Variants in TSPOAP1 observed in about 807,000 individuals in gnomAD.
TSPOAP1 encodes the protein peripheral-type benzodiazepine receptor-associated protein 1.
In TSPOAP1, 87 loss-of-function variants were observed where a neutral mutation model predicts 197.0. The observed-to-expected ratio is 0.44, with a 90% CI of 0.37 to 0.53. The LOEUF (loss-of-function observed/expected upper bound fraction) is 0.53, where lower values mean the gene tolerates loss of function less well. TSPOAP1 is among the 20% of genes least tolerant of loss of function. TSPOAP1 has a pLI of 0.00. For synonymous variants in TSPOAP1, 913 were observed against 998.9 expected, an observed-to-expected ratio of 0.91 and a Z score of 1.62; for missense variants, 2,174 against 2,411.3, an observed-to-expected ratio of 0.90 and a Z score of 2.06.
Position 58,322,405 on chromosome 17 carries a change from C to T in TSPOAP1, c.1325G>A (p.Arg442Gln), listed in dbSNP as rs756869149. 2.1e-5 allele frequency: 33 copies of T among 1,606,182 alleles called. 1 individual carries two copies. The South Asian group carries it at 2.3e-4, about 11-fold the overall frequency. ...CTGCTGCCGCCGCTGGGCCACCTCCCGCATGTGCTGAAACACAAGATCTGA... is the reference window on the plus strand; with the variant it reads ...CTGCTGCCGCCGCTGGGCCACCTCCTGCATGTGCTGAAACACAAGATCTGA... ...ESLEQVLKHM[R>Q]EVAQRRQQLE... The change falls in exon 10 of 32, where the codon CGG becomes CAG. Residue 442 changes from arginine (R) to glutamine (Q), a missense_variant. By Grantham distance (43) the Arg-to-Gln change is conservative. Transcript: ENST00000343736. This position sits in a 1 kb window ranked among gnomAD's most constrained non-coding sequence, Gnocchi z 5.0.
intron 29 of TSPOAP1, 52 bp from the exon 30 acceptor site, chr17:58,305,223 G>T (rs768660831): frequency 2.6e-6 from 4 of 1,513,734 alleles, no homozygotes; most frequent in Non-Finnish European, 3.7e-6. Flanking sequence ...CTCTGGCCCT[G>T]CCCCTCGACT....
intron 24 of TSPOAP1, 92 bp downstream of exon 24, chr17:58,307,519 T>A: frequency 6.8e-7 from 1 of 1,478,868 alleles, no homozygotes; most frequent in Admixed American, 2.0e-5. Flanking sequence ...TTCTCCACCA[T>A]GATTCTGTGC....
Position 58,304,654 on chromosome 17 carries a change from G to A in TSPOAP1, c.5545-255C>T. 1.7e-6 allele frequency: 1 copy of A among 578,278 alleles called. No homozygotes were observed. Among genetic ancestry groups the A allele is most frequent in the Admixed American group, 3.0e-5 (1 of 32,934 alleles). 35.8% of individuals were successfully genotyped at this position (578,278 alleles called of 1,614,324 possible). A position where few individuals can be genotyped will look rare whatever the true frequency, so the allele number is the denominator to read the frequency against. The stretch of plus-strand genomic sequence containing the variant: ...CAAGGAACGAGAACCCAGGAAGCTG[G>A]GCCTGGCTGGGCAACTGGCTTCCAA... On this transcript the variant is annotated intron_variant, in intron 30 of 31. Transcript: ENST00000343736. The surrounding 1 kb of genome is among the most constrained non-coding windows in gnomAD (Gnocchi z 4.2).
rs752140887 is a variant in TSPOAP1 at position 58,318,197 on chromosome 17, G to T, written c.1872+83C>A. On this transcript the variant is annotated intron_variant, in intron 14 of 31. Transcript: ENST00000343736. Reference sequence around the variant, plus strand: ...CAGAAGTTGCCACCCAACTCCTGGGGACCCCAGAAGAGGTCAGGGCCACCT... The same window carrying T: ...CAGAAGTTGCCACCCAACTCCTGGGTACCCCAGAAGAGGTCAGGGCCACCT... 5 of 1,480,774 alleles carry T rather than the reference G, an allele frequency of 3.4e-6. No individual in the cohort carries two copies. In the African/African-American group the frequency reaches 5.6e-5, roughly 17 times the overall value. The allele number at this position is 1,480,774 out of a possible 1,614,324, so 91.7% of individuals were successfully genotyped here.
Position 58,326,772 on chromosome 17 carries a change from A to C in TSPOAP1, c.352T>G (p.Phe118Val), listed in dbSNP as rs61732577. The change falls in exon 2 of 32, where the codon TTT becomes GTT. Residue 118 changes from phenylalanine (F) to valine (V), a missense_variant. Phe to Val is a conservative substitution (Grantham distance 50, BLOSUM62 -1). Coordinates refer to ENST00000343736, the MANE Select transcript of TSPOAP1 (RefSeq NM_004758.4). The surrounding 1 kb of genome is among the most constrained non-coding windows in gnomAD (Gnocchi z 4.7). ...AGCTCCAGATTGGGCCTGTCCCCAA[A>C]GCTCATATTCAGCTTGGCCTGGCAT... ...AFLKAKLNMS[F>V]GDRPNLELLR... is the part of the protein sequence containing the mutation. The C allele has an allele frequency of 3.0e-3, 4,849 of 1,614,014 alleles. 111 individuals are homozygous for C. In the African/African-American group the frequency reaches 0.054, roughly 18 times the overall value.
Position 58,316,127 on chromosome 17 carries a change from T to C in TSPOAP1, c.1994A>G (p.Asn665Ser). 1 of 1,613,236 alleles carries C rather than the reference T, an allele frequency of 6.2e-7. No individual in the cohort carries two copies. ...IQVFLARYSY[N>S]PFEGPNENPE... ...ATTCTCATTGGGACCCTCAAAGGGG[T>C]TGTAGCTGTTAGGGGAGGCACAGAG... Residue 665 changes from asparagine (N) to serine (S), a missense_variant, in exon 16 of 32, where the codon AAC becomes AGC. Physicochemically the swap from Asn to Ser is conservative, Grantham distance 46. Around this residue, in one of 5 missense-constraint regions of TSPOAP1, gnomAD observed 1,933 missense variants for 2,139.0 expected, o/e 0.90. Transcript: ENST00000343736.
At chr17:58,323,606 C>G in intron 5 of TSPOAP1, 61 bp from the exon 6 acceptor site, 1 of 1,559,376 alleles carries the variant, frequency 6.4e-7, no homozygotes, top group Non-Finnish European at 8.7e-7. Context: ...GCAGCCTGCC[C>G]CAGCCCAGCC....
chr17:58,316,301 A>G, intron 15 of TSPOAP1, 124 bp downstream of exon 15: 1 of 1,095,762 alleles, frequency 9.1e-7, no homozygotes, highest in Non-Finnish European at 1.4e-6. Context: ...CTAGGTTATT[A>G]GAATAGGTCC....
At chr17:58,327,256 C>A (rs1337270795) in intron 1 of TSPOAP1, among the ~76,000 whole-genome samples, 2 of 152,136 alleles carry the variant, frequency 1.3e-5, no homozygotes, top group Non-Finnish European at 2.9e-5. Context: ...TATCCCCCAG[C>A]CCCTAAGGAC....
At chr17:58,314,542 A>G (rs1452346904) in intron 16 of TSPOAP1, among the ~76,000 whole-genome samples, 1 of 152,252 alleles carries the variant, frequency 6.6e-6, no homozygotes, top group African/African-American at 2.4e-5. Flanking sequence ...CCAAGGAACA[A>G]CTGGAGCCAC....
In TSPOAP1 at chr17:58,312,349, A is replaced by T. The variant is rs372001785; in HGVS notation, c.2472T>A (p.His824Gln). ...GTCGCAGCTCCCCATTCACACAGAT[A>T]TGGAAGCCGTGTAGCTCCACTTGCT... is the stretch of plus-strand genomic sequence containing the variant. ...PPEQVELHGF[H>Q]ICVNGELRQA... The change falls in exon 17 of 32, where the codon CAT (histidine) becomes CAA (glutamine). Residue 824 changes from histidine (H) to glutamine (Q), a missense_variant. By Grantham distance (24) the His-to-Gln change is conservative. This residue lies in a region of TSPOAP1 where 1,933 missense variants were observed against 2,139.0 expected (regional missense o/e 0.90). Transcript: ENST00000343736. The T allele has an allele frequency of 5.0e-6, 8 of 1,612,282 alleles. No homozygotes were observed. Among genetic ancestry groups the T allele is most frequent in the Non-Finnish European group, 6.8e-6 (8 of 1,179,530 alleles).
intron 29 of TSPOAP1, 52 bp from the exon 30 acceptor site, chr17:58,305,223 G>A (rs768660831): frequency 6.6e-7 from 1 of 1,513,614 alleles, no homozygotes; most frequent in African/African-American, 1.4e-5. Flanking sequence ...CTCTGGCCCT[G>A]CCCCTCGACT....
At chr17:58,323,277 G>C (rs757334770) in intron 7 of TSPOAP1, 21 bp downstream of exon 7, 2 of 1,613,502 alleles carry the variant, frequency 1.2e-6, no homozygotes, top group East Asian at 2.2e-5. Flanking sequence ...GCTGGCCTCT[G>C]GGTTGCCCTC....
At position 58,325,691 on chromosome 17, in the gene TSPOAP1, G is replaced by A. The variant is rs372254499; in HGVS notation, c.593C>T (p.Pro198Leu). Residue 198 changes from proline to leucine, a missense_variant, in exon 4 of 32, where the codon CCG becomes CTG. Physicochemically the swap from Pro to Leu is moderately conservative, Grantham distance 98. Coordinates refer to ENST00000343736, the MANE Select transcript of TSPOAP1 (RefSeq NM_004758.4). ...CCGACACAACTCCAAGCTGGTCCCC[G>A]GCCGGGGCAAGGGGGCACTCACCTA... ...LRVVSAPLPRPGTSLELCRKA... is the reference protein window; with the variant it reads ...LRVVSAPLPRLGTSLELCRKA... 56 of 1,611,106 alleles carry A rather than the reference G, an allele frequency of 3.5e-5. 1 individual carries two copies. Among genetic ancestry groups the A allele is most frequent in the African/African-American group, 1.5e-4 (11 of 74,900 alleles).
rs2526381 is a variant in TSPOAP1 at position 58,316,272 on chromosome 17, T to C, written c.1989-140A>G. 144,795 of 1,049,504 alleles carry C rather than the reference T, an allele frequency of 0.14. 11,648 individuals carry two copies. The highest frequency in any genetic ancestry group is 0.16 in the Non-Finnish European group (113,642 of 692,184). The allele number at this position is 1,049,504 out of a possible 1,614,324, so 65.0% of individuals were successfully genotyped here. On this transcript the variant is annotated intron_variant, in intron 15 of 31. Transcript: ENST00000343736. ...ACCACCAGCAAAGCTGAGCCCTCAC[T>C]GCACCCACCTTGGCCCAACTAGGTT...
chr17:58,303,956 G>A (rs538324985), intron 31 of TSPOAP1: 19 of 165,042 alleles, frequency 1.2e-4, no homozygotes, highest in Non-Finnish European at 2.1e-4. Context: ...CCTGGCACCA[G>A]TAATAATTAT....
At position 58,312,732 on chromosome 17, in the gene TSPOAP1, G is replaced by C; in HGVS notation, c.2099-10C>G. 2 of 1,610,216 alleles carry C rather than the reference G, an allele frequency of 1.2e-6. No individual in the cohort carries two copies. The highest frequency in any genetic ancestry group is 2.7e-5 in the African/African-American group (2 of 74,934). On this transcript the variant is annotated splice_polypyrimidine_tract_variant and intron_variant, in intron 16 of 31. Transcript: ENST00000343736. ...CCATCCATGAGCTCTCCTGGCAGGA[G>C]GAGGACAGGAAGGGGCAGGGCAGGG... is the stretch of plus-strand genomic sequence containing the variant.
Position 58,324,735 on chromosome 17 carries a change from G to T in TSPOAP1, c.942+76C>A. 7.8e-7 allele frequency: 1 copy of T among 1,288,074 alleles called. No homozygotes were observed. Among genetic ancestry groups the T allele is most frequent in the Non-Finnish European group, 1.0e-6 (1 of 969,802 alleles). 79.8% of individuals were successfully genotyped at this position (1,288,074 alleles called of 1,614,324 possible). On this transcript the variant is annotated intron_variant, in intron 5 of 31. Coordinates refer to ENST00000343736, the MANE Select transcript of TSPOAP1 (RefSeq NM_004758.4). This position sits in a 1 kb window ranked among gnomAD's most constrained non-coding sequence, Gnocchi z 5.8. ...GAGTCCTTGGGGTTCTGAGCACGGT[G>T]CAGGGGAGATCCCGGTGGTCGTTCC...
rs898863159 is a variant in TSPOAP1, at chr17:58,315,074, T to G, written c.2098+949A>C. ...GTTTTGGTTTTTGATTTGGGTGGGG[T>G]TTTTTTTTCTTCATTTATAAAGTAT... On this transcript the variant is annotated intron_variant, in intron 16 of 31. Transcript: ENST00000343736. Among the ~76,000 whole-genome samples, 5 of 151,744 alleles carry G rather than the reference T, an allele frequency of 3.3e-5. No individual in the cohort carries two copies. In the East Asian group the frequency reaches 5.8e-4, roughly 18 times the overall value.
Sources: allele counts gnomAD v4.1 joint callset (sites outside exome capture counted in the v4.1 genomes callset), GRCh38; gene constraint gnomAD v4.1.1; regional missense constraint gnomAD v4.1.1; non-coding constraint Gnocchi (gnomAD v3.1); transcripts MANE v1.5; gene names NCBI Gene and HGNC (gene_info 2026-07-23, HGNC 2026-07-21).